The following CDKAL1 variants were observed in gnomAD, a reference collection of about 807,000 sequenced individuals.
CDKAL1 encodes CDKAL1 threonylcarbamoyladenosine tRNA methylthiotransferase, also known as threonylcarbamoyladenosine tRNA methylthiotransferase.
A neutral mutation model predicts 68.2 loss-of-function variants in CDKAL1; 32 were observed. The observed-to-expected ratio is 0.47, with a 90% CI of 0.35 to 0.63. The LOEUF (loss-of-function observed/expected upper bound fraction) is 0.63, where lower values mean the gene tolerates loss of function less well. Among genes scored for constraint, CDKAL1 ranks in the 30% least tolerant of loss-of-function variants. The probability of loss-of-function intolerance (pLI) is 0.00; values close to 1 mark genes in which losing one functional copy is unlikely to be tolerated. For synonymous variants in CDKAL1, 234 were observed against 244.3 expected (o/e 0.96, Z 0.39); for missense variants, 606 against 696.7 (o/e 0.87, Z 1.47).
At chr6:20,653,782 T>C (rs1768888316) in intron 5 of CDKAL1, among the ~76,000 whole-genome samples, 2 of 152,126 alleles carry the variant, frequency 1.3e-5, no homozygotes, top group Non-Finnish European at 2.9e-5. Context: ...ACCCAGCTAA[T>C]TTTTGTTTTT....
chr6:21,116,866 G>C (rs1037484726), intron 13 of CDKAL1, among the ~76,000 whole-genome samples: 1 of 152,136 alleles, frequency 6.6e-6, no homozygotes, highest in Non-Finnish European at 1.5e-5. Context: ...ACTGTCATTG[G>C]TTATATACTT....
At chr6:20,567,474 A>C (rs903245826) in intron 4 of CDKAL1, among the ~76,000 whole-genome samples, 1 of 152,122 alleles carries the variant, frequency 6.6e-6, no homozygotes. Context: ...ATTTCAATCT[A>C]TTTAAACGTG....
At chr6:20,991,651 G>C (rs920847268) in intron 10 of CDKAL1, among the ~76,000 whole-genome samples, 1 of 139,608 alleles carries the variant, frequency 7.2e-6, no homozygotes, top group East Asian at 2.2e-4. Flanking sequence ...AGGTTGCAGC[G>C]AACGGAGATT....
At chr6:21,020,137 T>C (rs980984712) in intron 11 of CDKAL1, among the ~76,000 whole-genome samples, 2 of 152,210 alleles carry the variant, frequency 1.3e-5, no homozygotes, top group South Asian at 2.1e-4. Context: ...TTTTTGCCAA[T>C]TTAATTAACA....
At position 20,644,230 on chromosome 6, in the gene CDKAL1, C is replaced by T. The variant is rs80055756; in HGVS notation, c.287-5063C>T. ...TGAGGGTAGAGATTCTATTCACAGC[C>T]GTATCCCCAGTACCCAGAGTACAGC... is the stretch of plus-strand genomic sequence containing the variant. On this transcript the variant is annotated intron_variant, in intron 4 of 15. Transcript: ENST00000274695. Among the ~76,000 whole-genome samples, 1,108 of 151,794 alleles carry T rather than the reference C, an allele frequency of 7.3e-3. 14 individuals carry two copies. The highest frequency in any genetic ancestry group is 0.024 in the African/African-American group (1,012 of 41,364).
At chr6:21,055,547 C>G (rs1770783115) in intron 11 of CDKAL1, among the ~76,000 whole-genome samples, 1 of 152,050 alleles carries the variant, frequency 6.6e-6, no homozygotes, top group African/African-American at 2.4e-5. Context: ...TCAACAGGCT[C>G]CAGTGTGTGT....
chr6:20,846,375 C>T (rs928786855), intron 9 of CDKAL1, among the ~76,000 whole-genome samples, 197 bp downstream of exon 9: 78 of 152,196 alleles, frequency 5.1e-4, no homozygotes, highest in Non-Finnish European at 3.4e-4. Context: ...TCTTTTACTA[C>T]GCTTCTGTTT....
intron 5 of CDKAL1, among the ~76,000 whole-genome samples, chr6:20,729,359 C>CT (rs200978110): frequency 0.017 from 2,578 of 152,142 alleles, 65 homozygotes; most frequent in African/African-American, 0.057. Context: ...AGAGTTTCTT[C>CT]TTTTTTTTCT....
chr6:20,931,212 A>T (rs1763438767), intron 9 of CDKAL1, among the ~76,000 whole-genome samples: 1 of 152,160 alleles, frequency 6.6e-6, no homozygotes, highest in East Asian at 1.9e-4. Context: ...ACATTTAATG[A>T]TATATATGCA....
chr6:20,640,596 GGCT>G (rs1768128669), intron 4 of CDKAL1, among the ~76,000 whole-genome samples: 1 of 152,192 alleles, frequency 6.6e-6, no homozygotes, highest in African/African-American at 2.4e-5. Flanking sequence ...ATAGCAGAAC[GGCT>G]GCTTTTGAAG....
In CDKAL1 at chr6:21,027,205, G is replaced by A. The variant is rs115999906; in HGVS notation, c.1055+26833G>A. Among the ~76,000 whole-genome samples the A allele has an allele frequency of 4.1e-3, 628 of 152,166 alleles. 9 individuals carry two copies. The highest frequency in any genetic ancestry group is 0.02 in the Middle Eastern group (6 of 294). ...ACAGAGCCCTCTTTGCTGTTCATCA[G>A]TCTATTTTCCTTTTCAGTACATTCT... On this transcript the variant is annotated intron_variant, in intron 11 of 15. Transcript: ENST00000274695.
chr6:20,816,450 T>G (rs1489351598), intron 8 of CDKAL1, among the ~76,000 whole-genome samples: 3 of 152,202 alleles, frequency 2.0e-5, no homozygotes, highest in Admixed American at 6.5e-5. Context: ...ACCTACAGTT[T>G]GCCCATAAAC....
At chr6:21,028,968 G>T (rs1769109615) in intron 11 of CDKAL1, among the ~76,000 whole-genome samples, 1 of 152,044 alleles carries the variant, frequency 6.6e-6, no homozygotes, top group African/African-American at 2.4e-5. Flanking sequence ...ATTAAAATTT[G>T]AAGATACTGT....
chr6:21,202,960 A>G (rs1778749530), intron 15 of CDKAL1, among the ~76,000 whole-genome samples: 1 of 152,182 alleles, frequency 6.6e-6, no homozygotes, highest in African/African-American at 2.4e-5. Context: ...TAGAGCCTCT[A>G]GAAATAGTGT....
rs186367252 is a variant in CDKAL1, at chr6:20,848,797, T to C, written c.742+2619T>C. ...TGTTTTTTTCTTTCTTTCTTTCTTT[T>C]TTTTTTTTTTGGTGACAGGGTCTCA... On this transcript the variant is annotated intron_variant, in intron 9 of 15. Coordinates refer to ENST00000274695, the MANE Select transcript of CDKAL1 (RefSeq NM_017774.3). 2.4e-3 allele frequency among the ~76,000 whole-genome samples: 356 copies of C among 151,304 alleles called. 1 individual carries two copies. The highest frequency in any genetic ancestry group is 6.0e-3 in the African/African-American group (248 of 41,356).
Position 20,781,051 on chromosome 6 carries a change from G to A in CDKAL1, c.518-94G>A, listed in dbSNP as rs183760885. On this transcript the variant is annotated intron_variant, in intron 7 of 15. Coordinates refer to ENST00000274695, the MANE Select transcript of CDKAL1 (RefSeq NM_017774.3). ...CTTCTATGTTGTTTCCCCTGCTCCCGAAAAGAAGTTAAATGAACACATTTG... is the reference window on the plus strand; with the variant it reads ...CTTCTATGTTGTTTCCCCTGCTCCCAAAAAGAAGTTAAATGAACACATTTG... 5.7e-3 allele frequency: 7,198 copies of A among 1,266,696 alleles called. 26 individuals carry two copies. The highest frequency in any genetic ancestry group is 7.2e-3 in the Non-Finnish European group (6,571 of 911,576). The allele number at this position is 1,266,696 out of a possible 1,614,324, so 78.5% of individuals were successfully genotyped here. A position where few individuals can be genotyped will look rare whatever the true frequency, so the allele number is the denominator to read the frequency against.
Position 20,781,172 on chromosome 6 carries a change from A to T in CDKAL1, c.545A>T (p.Lys182Ile). The T allele has an allele frequency of 1.9e-6, 3 of 1,614,008 alleles. No homozygotes were observed. Among genetic ancestry groups the T allele is most frequent in the Non-Finnish European group, 1.7e-6 (2 of 1,179,972 alleles). Residue 182 changes from lysine to isoleucine, a missense_variant, in exon 8 of 16, where the codon AAA (lysine) becomes ATA (isoleucine). By Grantham distance (102) the Lys-to-Ile change is moderately radical. Transcript: ENST00000274695. ...KGHSVRLLGQ[K>I]KDNGRRLGGA... is the part of the protein sequence containing the mutation. The stretch of plus-strand genomic sequence containing the variant: ...CACTCTGTGAGACTGCTGGGTCAGA[A>T]AAAGGATAATGGAAGGCGGCTTGGG...
chr6:20,793,253 T>C (rs781648708), intron 8 of CDKAL1, among the ~76,000 whole-genome samples: 6 of 152,222 alleles, frequency 3.9e-5, no homozygotes, highest in Non-Finnish European at 7.3e-5. Context: ...CTCATTCTTA[T>C]TTCTACTATT....
intron 7 of CDKAL1, among the ~76,000 whole-genome samples, chr6:20,768,445 C>A (rs1360304207): frequency 6.6e-6 from 1 of 152,168 alleles, no homozygotes; most frequent in Non-Finnish European, 1.5e-5. Flanking sequence ...TTATCTCGCA[C>A]CCCGATTTCT....
Sources: gnomAD v4.1 joint callset for allele counts (sites outside exome capture counted in the v4.1 genomes callset) on GRCh38, gnomAD v4.1.1 for gene constraint, MANE v1.5 for transcripts, NCBI Gene and HGNC (gene_info 2026-07-23, HGNC 2026-07-21) for gene names.